The following SMG5 variants were observed in gnomAD, a reference collection of about 807,000 sequenced individuals.
SMG5 encodes nonsense-mediated mRNA decay factor SMG5.
Under a neutral mutation model 122.9 loss-of-function variants are expected in SMG5, and 53 were observed. The observed-to-expected ratio is 0.43, with a 90% CI of 0.35 to 0.54. The LOEUF is 0.54. Ranked by LOEUF, SMG5 falls within the 20% of genes least tolerant of loss-of-function variation. The pLI, the probability that SMG5 is intolerant of heterozygous loss-of-function variation, is 0.01. For synonymous variants in SMG5, 477 were observed against 490.2 expected (o/e 0.97, Z 0.35); for missense variants, 1,153 against 1,285.6 (o/e 0.90, Z 1.58).
the SMG5 span, chr1:156,290,072 A>G: frequency 1.3e-5 from 2 of 152,366 alleles, no homozygotes; most frequent in African/African-American, 4.8e-5. Context: ...GATAAATACA[A>G]TGGAACACAC....
At chr1:156,268,778 A>AAT (rs1215258258) in intron 7 of SMG5, among the ~76,000 whole-genome samples, 1 of 152,232 alleles carries the variant, frequency 6.6e-6, no homozygotes, top group African/African-American at 2.4e-5. Context: ...TATGTGCAAG[A>AAT]ATATTTACAT....
the SMG5 span, chr1:156,290,099 T>G: frequency 6.6e-6 from 1 of 152,158 alleles, no homozygotes; most frequent in Non-Finnish European, 1.5e-5. Context: ...TATAAAAGAA[T>G]GAGAAAACCA....
chr1:156,281,266 G>A (rs994735724), intron 1 of SMG5, among the ~76,000 whole-genome samples: 2 of 152,228 alleles, frequency 1.3e-5, no homozygotes, highest in African/African-American at 4.8e-5. Flanking sequence ...TTAGTCCTGT[G>A]AATGTAGTGG....
At chr1:156,262,265 G>A (rs1488218864) in intron 13 of SMG5, among the ~76,000 whole-genome samples, 1 of 152,138 alleles carries the variant, frequency 6.6e-6, no homozygotes, top group African/African-American at 2.4e-5. Context: ...GGGAGGCTGA[G>A]GCAGGCGGAT....
upstream of SMG5, among the ~76,000 whole-genome samples, chr1:156,287,606 CTTTTT>C (rs745468403): frequency 1.4e-5 from 1 of 72,640 alleles, no homozygotes; most frequent in Admixed American, 2.1e-4. Flanking sequence ...TTACTCTCCA[CTTTTT>C]TTTTTTTTTT....
At chr1:156,283,316 T>G (rs1014204970), upstream of SMG5, among the ~76,000 whole-genome samples, 1 of 152,216 alleles carries the variant, frequency 6.6e-6, no homozygotes, top group Non-Finnish European at 1.5e-5. Context: ...TCTCGGCCCT[T>G]CAGCTCCCCT....
chr1:156,266,615 T>G lies in SMG5; in HGVS notation c.1181A>C (p.His394Pro), dbSNP rs1206667226. 2 of 1,614,022 alleles carry G rather than the reference T, an allele frequency of 1.2e-6. No homozygotes were observed. Among genetic ancestry groups the G allele is most frequent in the Non-Finnish European group, 1.7e-6 (2 of 1,180,046 alleles). Residue 394 changes from histidine to proline, a missense_variant, in exon 11 of 22, where the codon CAT becomes CCT. His to Pro is a moderately conservative substitution (Grantham distance 77). This residue lies in a region of SMG5 where 631 missense variants were observed against 650.6 expected (regional missense o/e 0.97). Coordinates refer to ENST00000361813, the MANE Select transcript of SMG5 (RefSeq NM_015327.3). ...TLALFSHLVN[H>P]VNIRLQAELE... is the part of the protein sequence containing the mutation. ...CTCAGCCTGCAGCCGTATGTTGACA[T>G]GATTGACGAGGTGGGAAAAGAGGGC... is the stretch of plus-strand genomic sequence containing the variant.
At chr1:156,256,145 G>A (rs2103210659) in intron 16 of SMG5, among the ~76,000 whole-genome samples, 1 of 152,028 alleles carries the variant, frequency 6.6e-6, no homozygotes, top group Non-Finnish European at 1.5e-5. Flanking sequence ...AGGGAAAGAG[G>A]AATAACATCT....
upstream of SMG5, chr1:156,285,765 G>A (rs773294015): frequency 1.9e-6 from 3 of 1,613,362 alleles, no homozygotes; most frequent in East Asian, 4.5e-5. Context: ...GCAGTGGTGA[G>A]GCCGCCTGGC....
At chr1:156,277,052 C>G in intron 4 of SMG5, 33 bp downstream of exon 4, 1 of 1,602,806 alleles carries the variant, frequency 6.2e-7, no homozygotes, top group Non-Finnish European at 8.5e-7. Context: ...AGCATGAGAA[C>G]CTGCTCAAGT....
In SMG5 at chr1:156,263,555, G is replaced by A; in HGVS notation, c.1871C>T (p.Ser624Phe). The A allele has an allele frequency of 6.2e-7, 1 of 1,613,920 alleles. No individual in the cohort carries two copies. The highest frequency in any genetic ancestry group is 8.5e-7 in the Non-Finnish European group (1 of 1,179,858). Residue 624 changes from serine (S) to phenylalanine (F), a missense_variant, in exon 13 of 22, where the codon TCT (serine) becomes TTT (phenylalanine). Transcript: ENST00000361813. ...KPSEPASEEG[S>F]ESEGSESSGR... ...ACTGGACTCACTCCCCTCCGACTCA[G>A]AGCCCTCCTCAGAGGCTGGGGGGTG... is the stretch of plus-strand genomic sequence containing the variant.
At chr1:156,274,768 G>C (rs12122180) in intron 4 of SMG5, 82 bp from the exon 5 acceptor site, 1 of 1,119,982 alleles carries the variant, frequency 8.9e-7, no homozygotes, top group African/African-American at 1.5e-5. Context: ...CCGAGATGTA[G>C]AGACTAAGAA....
At chr1:156,271,969 G>A (rs772524959) in intron 7 of SMG5, among the ~76,000 whole-genome samples, 10 of 152,078 alleles carry the variant, frequency 6.6e-5, no homozygotes, top group South Asian at 2.1e-4. Flanking sequence ...GTCCTTCCAC[G>A]TATATTACCA....
chr1:156,270,851 T>C (rs1572591828), intron 7 of SMG5, among the ~76,000 whole-genome samples: 1 of 151,920 alleles, frequency 6.6e-6, no homozygotes, highest in East Asian at 1.9e-4. Flanking sequence ...CTACTAAAAA[T>C]ACAAAATTAG....
At chr1:156,274,535 T>G (rs1662590533) in intron 5 of SMG5, 62 bp downstream of exon 5, 11 of 1,483,956 alleles carry the variant, frequency 7.4e-6, no homozygotes, top group Non-Finnish European at 9.4e-6. Flanking sequence ...TACCAACAAC[T>G]GAAGCAGCCT....
chr1:156,253,722 T>C (rs889325494), intron 16 of SMG5: 23 of 594,610 alleles, frequency 3.9e-5, no homozygotes, highest in Non-Finnish European at 6.4e-5. Flanking sequence ...ATGCAGGTCA[T>C]GATGTTCCAG....
intron 21 of SMG5, 85 bp from the exon 22 acceptor site, chr1:156,250,755 T>G (rs888639451): frequency 6.2e-7 from 1 of 1,600,586 alleles, no homozygotes; most frequent in Non-Finnish European, 8.6e-7. Context: ...GAAGGAGTGA[T>G]GGAAGAGAAA....
At chr1:156,264,173 C>T (rs1197398803) in intron 12 of SMG5, among the ~76,000 whole-genome samples, 1 of 133,232 alleles carries the variant, frequency 7.5e-6, no homozygotes, top group African/African-American at 2.8e-5. Flanking sequence ...GAGGCTGAGG[C>T]AGGAGAATTG....
At chr1:156,261,189 C>A (rs1253427616) in intron 14 of SMG5, 144 bp downstream of exon 14, 4 of 780,434 alleles carry the variant, frequency 5.1e-6, no homozygotes, top group Non-Finnish European at 6.6e-6. Context: ...CTAGACCACA[C>A]AATGACTGCT....
Sources: allele counts gnomAD v4.1 joint callset (sites outside exome capture counted in the v4.1 genomes callset), GRCh38; gene constraint gnomAD v4.1.1; regional missense constraint gnomAD v4.1.1; transcripts MANE v1.5; gene names NCBI Gene and HGNC (gene_info 2026-07-23, HGNC 2026-07-21).